The following PIR variants were observed in gnomAD, a reference collection of about 807,000 sequenced individuals.
PIR encodes the protein pirin (iron-binding nuclear protein).
PIR carries 22 observed loss-of-function variants against 24.2 expected under a neutral mutation model. The observed-to-expected ratio is 0.91, with a 90% CI of 0.65 to 1.30. The LOEUF is 1.30. Ranked by LOEUF, PIR falls within the 50% of genes most tolerant of loss-of-function variation. The pLI is 0.00. For synonymous variants in PIR, 80 were observed against 79.6 expected (o/e 1.00, Z -0.03); for missense variants, 220 against 220.3 (o/e 1.00, Z 0.01).
At chrX:15,399,469 G>A (rs1924306708) in intron 7 of PIR, among the ~76,000 whole-genome samples, 1 of 111,647 alleles carries the variant, frequency 9.0e-6, no homozygotes, top group Admixed American at 9.5e-5. Context: ...TCAACGTGGA[G>A]TCAATGTCCT....
intron 5 of PIR, among the ~76,000 whole-genome samples, chrX:15,453,663 T>C (rs1920990929): frequency 8.9e-6 from 1 of 112,713 alleles, no homozygotes; most frequent in South Asian, 3.7e-4. Flanking sequence ...TAACAGAAGC[T>C]GGCAGGTACT....
At position 15,455,533 on chromosome X, in the gene PIR, T is replaced by A. The variant is rs1021673368; in HGVS notation, c.480+315A>T. On this transcript the variant is annotated intron_variant, in intron 5 of 9. Transcript: ENST00000380420. ...ATCCTGCTGTACTAAGGAGCTATAA[T>A]TTAAAGCATAAAATTGCACTATAAG... Among the ~76,000 whole-genome samples the A allele has an allele frequency of 4.4e-5, 5 of 112,686 alleles. No homozygotes were observed. In the East Asian group the frequency reaches 1.4e-3, roughly 31 times the overall value.
intron 3 of PIR, among the ~76,000 whole-genome samples, chrX:15,471,806 G>A (rs1921938552): frequency 8.9e-6 from 1 of 111,898 alleles, no homozygotes; most frequent in Non-Finnish European, 1.9e-5. Flanking sequence ...TAACTTTCAT[G>A]CAATTTGAAA....
chrX:15,391,049 T>C (rs1923944053), intron 8 of PIR, among the ~76,000 whole-genome samples: 1 of 111,724 alleles, frequency 9.0e-6, no homozygotes, highest in African/African-American at 3.3e-5. Flanking sequence ...GTAGCACTAT[T>C]TATCACAGCA....
chrX:15,387,851 T>A (rs1261749603), intron 9 of PIR, among the ~76,000 whole-genome samples: 1 of 111,637 alleles, frequency 9.0e-6, no homozygotes, highest in Non-Finnish European at 1.9e-5. Flanking sequence ...CAGCTGGGAA[T>A]CTTATTAAAA....
intron 6 of PIR, among the ~76,000 whole-genome samples, chrX:15,414,816 A>T (rs1482259801): frequency 9.0e-6 from 1 of 111,188 alleles, no homozygotes; most frequent in Admixed American, 9.6e-5. Context: ...CCTGAGAAAA[A>T]TATTTTTTAA....
At chrX:15,444,704 AGATGGCCTCAAATCCATATCT>A (rs1323862341) in intron 5 of PIR, among the ~76,000 whole-genome samples, 3 of 111,800 alleles carry the variant, frequency 2.7e-5, no homozygotes, top group Non-Finnish European at 5.6e-5. Flanking sequence ...GACATGTAAC[AGATGGCCTCAAATCCATATCT>A]GATGCTGGGA....
intron 9 of PIR, among the ~76,000 whole-genome samples, chrX:15,386,434 C>A (rs1178933839): frequency 1.8e-5 from 2 of 111,893 alleles, no homozygotes; most frequent in Non-Finnish European, 3.8e-5. Flanking sequence ...ACTGAATGCC[C>A]ATTAAATGAC....
At chrX:15,392,790 T>C (rs992030644) in intron 8 of PIR, among the ~76,000 whole-genome samples, 2 of 112,386 alleles carry the variant, frequency 1.8e-5, no homozygotes, top group Non-Finnish European at 3.7e-5. Flanking sequence ...GTACCATCAC[T>C]TTACTTATCC....
chrX:15,424,351 G>T (rs1045130850), intron 6 of PIR, among the ~76,000 whole-genome samples: 9 of 111,954 alleles, frequency 8.0e-5, no homozygotes, highest in Non-Finnish European at 1.7e-4. Context: ...TAAAAAAGTG[G>T]ATCTCATAAA....
chrX:15,423,946 G>T (rs900191881), intron 6 of PIR, among the ~76,000 whole-genome samples: 2 of 111,858 alleles, frequency 1.8e-5, no homozygotes, highest in Non-Finnish European at 3.8e-5. Flanking sequence ...GTGGAGAAAG[G>T]GGAACCCTTG....
At chrX:15,400,232 T>C (rs751819992) in intron 7 of PIR, among the ~76,000 whole-genome samples, 7 of 111,746 alleles carry the variant, frequency 6.3e-5, no homozygotes, top group Non-Finnish European at 1.3e-4. Flanking sequence ...AGAAGAGAGG[T>C]CTGGGAGTTT....
chrX:15,399,238 C>T (rs1602244818), intron 7 of PIR, among the ~76,000 whole-genome samples: 2 of 112,489 alleles, frequency 1.8e-5, no homozygotes, highest in East Asian at 5.5e-4. Flanking sequence ...GCTGAATAAT[C>T]AATAAGGAAA....
chrX:15,389,510 T>C (rs1923885628), intron 9 of PIR, among the ~76,000 whole-genome samples: 1 of 111,803 alleles, frequency 8.9e-6, no homozygotes, highest in Non-Finnish European at 1.9e-5. Context: ...TAATAATTGG[T>C]GAAGTGGACA....
At chrX:15,449,234 A>G (rs1926207654) in intron 5 of PIR, among the ~76,000 whole-genome samples, 1 of 111,536 alleles carries the variant, frequency 9.0e-6, no homozygotes, top group South Asian at 3.7e-4. Context: ...TTTTTTCTAC[A>G]GTATTTTGCA....
intron 3 of PIR, among the ~76,000 whole-genome samples, chrX:15,473,236 T>A (rs1922015210): frequency 8.9e-6 from 1 of 111,860 alleles, no homozygotes; most frequent in Admixed American, 9.4e-5. Flanking sequence ...GACTTTTTTT[T>A]ATTGTCACAA....
At chrX:15,412,657 ACT>A (rs1924781611) in intron 6 of PIR, among the ~76,000 whole-genome samples, 1 of 109,981 alleles carries the variant, frequency 9.1e-6, no homozygotes, top group Admixed American at 9.7e-5. Flanking sequence ...TGACAGACAA[ACT>A]CTTCTCAATA....
intron 2 of PIR, among the ~76,000 whole-genome samples, chrX:15,485,233 G>A (rs1472252449): frequency 8.9e-6 from 1 of 112,180 alleles, no homozygotes; most frequent in Non-Finnish European, 1.9e-5. Flanking sequence ...CAGTTCTGGA[G>A]ACTAAGAAGT....
At chrX:15,408,523 T>C (rs964761364) in intron 6 of PIR, among the ~76,000 whole-genome samples, 19 of 111,357 alleles carry the variant, frequency 1.7e-4, no homozygotes, top group African/African-American at 5.9e-4. Context: ...GGCCAAGAAA[T>C]CAAAATCACT....
Sources: gnomAD v4.1 joint callset for allele counts (sites outside exome capture counted in the v4.1 genomes callset) on GRCh38, gnomAD v4.1.1 for gene constraint, MANE v1.5 for transcripts, NCBI Gene and HGNC (gene_info 2026-07-23, HGNC 2026-07-21) for gene names.